Variants in KIRREL3 observed in about 807,000 individuals in gnomAD.
KIRREL3 encodes kin of IRRE-like protein 3.
Under a neutral mutation model 89.7 loss-of-function variants are expected in KIRREL3, and 36 were observed. The observed-to-expected ratio is 0.40, with a 90% CI of 0.31 to 0.53. The LOEUF (loss-of-function observed/expected upper bound fraction) is 0.53. KIRREL3 is among the 20% of genes least tolerant of loss of function. The pLI, the probability that KIRREL3 is intolerant of heterozygous loss-of-function variation, is 0.49. For missense variants in KIRREL3, 864 were observed against 1,056.6 expected, an observed-to-expected ratio of 0.82 and a Z score of 2.53; for synonymous variants, 445 against 441.4, an observed-to-expected ratio of 1.01 and a Z score of -0.10.
rs1172797742 is a variant in KIRREL3 at position 126,605,226 on chromosome 11, A to G, written c.56-42314T>C. 6.6e-6 allele frequency among the ~76,000 whole-genome samples: 1 copy of G among 152,112 alleles called. No individual in the cohort carries two copies. The highest frequency in any genetic ancestry group is 1.5e-5 in the Non-Finnish European group (1 of 68,032). On this transcript the variant is annotated intron_variant, in intron 1 of 16. Coordinates refer to ENST00000525144, the MANE Select transcript of KIRREL3 (RefSeq NM_032531.4). The surrounding 1 kb of genome is among the most constrained non-coding windows in gnomAD (Gnocchi z 5.7). ...AGGGACCGACTCCTGGGATCTTACCAAGTCACATTTGCAGTTGGTGCCTCC... is the reference window on the plus strand; with the variant it reads ...AGGGACCGACTCCTGGGATCTTACCGAGTCACATTTGCAGTTGGTGCCTCC...
rs1478643291 is a variant in KIRREL3 at position 126,575,305 on chromosome 11, C to A, written c.56-12393G>T. On this transcript the variant is annotated intron_variant, in intron 1 of 16. Transcript: ENST00000525144. The surrounding 1 kb of genome is among the most constrained non-coding windows in gnomAD (Gnocchi z 7.0). ...GAAGGTTGGACCATTGATCCCACAG[C>A]CCTGGGGCCTTCTCACAGTAGTGTG... 6.6e-6 allele frequency among the ~76,000 whole-genome samples: 1 copy of A among 152,164 alleles called. No individual in the cohort carries two copies. The highest frequency in any genetic ancestry group is 2.1e-4 in the South Asian group (1 of 4,828).
Position 126,473,311 on chromosome 11 carries a change from T to C in KIRREL3, c.589A>G (p.Lys197Glu). Residue 197 changes from lysine (K) to glutamate (E), a missense_variant and splice_region_variant, in exon 5 of 17, where the codon AAG becomes GAG. Lys to Glu is a moderately conservative substitution (Grantham distance 56). Coordinates refer to ENST00000525144, the MANE Select transcript of KIRREL3 (RefSeq NM_032531.4). ...GEVINGATYS[K>E]TLLRDGKRES... ...ACCCCCTCCCCTCCAGGCCTCACCT[T>C]GGAGTAGGTGGCCCCATTGATGACC... The C allele has an allele frequency of 9.3e-6, 11 of 1,184,688 alleles. No homozygotes were observed. The highest frequency in any genetic ancestry group is 1.2e-5 in the Non-Finnish European group (11 of 919,254). The allele number at this position is 1,184,688 out of a possible 1,614,324, so 73.4% of individuals were successfully genotyped here.
chr11:126,856,272 C>T (rs1159254215), intron 1 of KIRREL3, among the ~76,000 whole-genome samples: 1 of 152,024 alleles, frequency 6.6e-6, no homozygotes, highest in Non-Finnish European at 1.5e-5. Flanking sequence ...TCAAAGATAA[C>T]AATCTGTCTA....
In KIRREL3 at chr11:126,624,667, G is replaced by C. The variant is rs567339429; in HGVS notation, c.56-61755C>G. Among the ~76,000 whole-genome samples, 4 of 152,304 alleles carry C rather than the reference G, an allele frequency of 2.6e-5. No homozygotes were observed. In the South Asian group the frequency reaches 8.3e-4, roughly 32 times the overall value. On this transcript the variant is annotated intron_variant, in intron 1 of 16. Coordinates refer to ENST00000525144, the MANE Select transcript of KIRREL3 (RefSeq NM_032531.4). The surrounding 1 kb of genome is among the most constrained non-coding windows in gnomAD (Gnocchi z 6.0). Reference sequence around the variant, plus strand: ...TTAAGTATCCTATTGATTCACTGAAGTGCTGCCATGGATGTTAATGGAGAC... The same window carrying C: ...TTAAGTATCCTATTGATTCACTGAACTGCTGCCATGGATGTTAATGGAGAC...
rs1452260205 is a variant in KIRREL3, at chr11:126,723,499, G to A, written c.56-160587C>T. 1.3e-5 allele frequency among the ~76,000 whole-genome samples: 2 copies of A among 152,114 alleles called. No individual in the cohort carries two copies. The highest frequency in any genetic ancestry group is 4.8e-5 in the African/African-American group (2 of 41,410). ...GCTCTGTGGCATCATTAAGCAGCTG[G>A]TGCCAACATTTACCTCACACCTCCC... is the stretch of plus-strand genomic sequence containing the variant. On this transcript the variant is annotated intron_variant, in intron 1 of 16. Coordinates refer to ENST00000525144, the MANE Select transcript of KIRREL3 (RefSeq NM_032531.4). This position sits in a 1 kb window ranked among gnomAD's most constrained non-coding sequence, Gnocchi z 4.0.
In KIRREL3 at chr11:126,697,632, AC is replaced by A. The variant is rs1429527254; in HGVS notation, c.56-134721del. Among the ~76,000 whole-genome samples, 1 of 152,214 alleles carries A rather than the reference AC, an allele frequency of 6.6e-6. No individual in the cohort carries two copies. The highest frequency in any genetic ancestry group is 2.4e-5 in the African/African-American group (1 of 41,460). On this transcript the variant is annotated intron_variant, in intron 1 of 16. Coordinates refer to ENST00000525144, the MANE Select transcript of KIRREL3 (RefSeq NM_032531.4). The surrounding 1 kb of genome is among the most constrained non-coding windows in gnomAD (Gnocchi z 4.2). ...AAAAGAGGTCAGAAGATTTAGACCA[AC>A]CCTAATAACCTGAACTCATGTAAAA...
At chr11:126,450,453 CTGTGAGTGTGTGAATGTGTGCATG>C (rs1565461988) in intron 7 of KIRREL3, among the ~76,000 whole-genome samples, 1 of 111,362 alleles carries the variant, frequency 9.0e-6, no homozygotes, top group Non-Finnish European at 1.8e-5. Context: ...ATGTGCGCAT[CTGTGAGTGTGTGAATGTGTGCATG>C]TGTGTGGGTG....
At chr11:126,737,246 G>C (rs1024367760) in intron 1 of KIRREL3, among the ~76,000 whole-genome samples, 2 of 152,078 alleles carry the variant, frequency 1.3e-5, no homozygotes, top group African/African-American at 4.8e-5. Flanking sequence ...GAGCAGGGAT[G>C]GGGCCTGGGG....
In KIRREL3 at chr11:126,815,830, C is replaced by T. The variant is rs757731737; in HGVS notation, c.55+184625G>A. ...GATTACAGGCATGAGCTGCTGTGCCCGGCCGAGCTATTATTTTTATCATGA... is the reference window on the plus strand; with the variant it reads ...GATTACAGGCATGAGCTGCTGTGCCTGGCCGAGCTATTATTTTTATCATGA... On this transcript the variant is annotated intron_variant, in intron 1 of 16. Transcript: ENST00000525144. Among the ~76,000 whole-genome samples, 9 of 152,268 alleles carry T rather than the reference C, an allele frequency of 5.9e-5. No individual in the cohort carries two copies. The South Asian group carries it at 6.2e-4, about 11-fold the overall frequency.
At chr11:126,818,562 C>A (rs1951657657) in intron 1 of KIRREL3, among the ~76,000 whole-genome samples, 1 of 151,790 alleles carries the variant, frequency 6.6e-6, no homozygotes, top group Non-Finnish European at 1.5e-5. Flanking sequence ...AAAATATTAA[C>A]CATTCCTCTT....
chr11:126,852,209 A>G (rs1042422867), intron 1 of KIRREL3, among the ~76,000 whole-genome samples: 1 of 152,012 alleles, frequency 6.6e-6, no homozygotes, highest in Admixed American at 6.6e-5. Flanking sequence ...GCGTGCCACC[A>G]CGCCCAGCTA....
rs1037173770 is a variant in KIRREL3 at position 126,837,482 on chromosome 11, G to A, written c.55+162973C>T. On this transcript the variant is annotated intron_variant, in intron 1 of 16. Transcript: ENST00000525144. This position sits in a 1 kb window ranked among gnomAD's most constrained non-coding sequence, Gnocchi z 4.7. ...ATTGGTGGGTAGGAGTCTCTATCAT[G>A]GAATTACTTCCACAATAATTACGAG... Among the ~76,000 whole-genome samples the A allele has an allele frequency of 6.6e-6, 1 of 152,174 alleles. No homozygotes were observed. The highest frequency in any genetic ancestry group is 6.5e-5 in the Admixed American group (1 of 15,282).
At chr11:126,871,715 T>C (rs1371614556) in intron 1 of KIRREL3, among the ~76,000 whole-genome samples, 2 of 152,140 alleles carry the variant, frequency 1.3e-5, no homozygotes, top group Non-Finnish European at 2.9e-5. Flanking sequence ...TTCATGATAA[T>C]GGGCAGAAAG....
intron 1 of KIRREL3, among the ~76,000 whole-genome samples, chr11:126,630,895 C>T (rs571595411): frequency 4.9e-4 from 75 of 152,326 alleles, no homozygotes; most frequent in African/African-American, 1.8e-3. Context: ...CACTCTTTCA[C>T]AGACGTCTCC....
At chr11:126,866,597 C>T (rs989649467) in intron 1 of KIRREL3, among the ~76,000 whole-genome samples, 10 of 149,856 alleles carry the variant, frequency 6.7e-5, no homozygotes, top group Non-Finnish European at 1.2e-4. Flanking sequence ...CCTGTTTTCA[C>T]GCCCAAAGGT....
intron 1 of KIRREL3, among the ~76,000 whole-genome samples, chr11:126,749,580 G>C (rs2134240934): frequency 6.6e-6 from 1 of 152,130 alleles, no homozygotes; most frequent in East Asian, 1.9e-4. Context: ...CATTTTTCAA[G>C]TGACTTCTTT....
chr11:126,686,215 C>T lies in KIRREL3; in HGVS notation c.56-123303G>A, dbSNP rs1366965301. Reference sequence around the variant, plus strand: ...CCACCCACCTGCAGGGGCTTTCTCACGTGTGGCGCGGGTGTGGAGGCAGGT... The same window carrying T: ...CCACCCACCTGCAGGGGCTTTCTCATGTGTGGCGCGGGTGTGGAGGCAGGT... On this transcript the variant is annotated intron_variant, in intron 1 of 16. Coordinates refer to ENST00000525144, the MANE Select transcript of KIRREL3 (RefSeq NM_032531.4). The surrounding 1 kb of genome is among the most constrained non-coding windows in gnomAD (Gnocchi z 4.7). Among the ~76,000 whole-genome samples the T allele has an allele frequency of 3.9e-5, 6 of 152,330 alleles. No homozygotes were observed. The highest frequency in any genetic ancestry group is 4.1e-4 in the South Asian group (2 of 4,828).
In KIRREL3 at chr11:126,977,820, G is replaced by C. The variant is rs1035955818; in HGVS notation, c.55+22635C>G. 2.6e-5 allele frequency among the ~76,000 whole-genome samples: 4 copies of C among 152,218 alleles called. No homozygotes were observed. Among genetic ancestry groups the C allele is most frequent in the African/African-American group, 4.8e-5 (2 of 41,460 alleles). ...ACCAGCCTTCCAACCAGTGTCTGGA[G>C]AGCTGAAGTTGTCAACCCTGGCTGG... On this transcript the variant is annotated intron_variant, in intron 1 of 16. Coordinates refer to ENST00000525144, the MANE Select transcript of KIRREL3 (RefSeq NM_032531.4). The surrounding 1 kb of genome is among the most constrained non-coding windows in gnomAD (Gnocchi z 4.7).
rs929756787 is a variant in KIRREL3 at position 126,628,457 on chromosome 11, G to C, written c.56-65545C>G. Among the ~76,000 whole-genome samples, 4 of 152,188 alleles carry C rather than the reference G, an allele frequency of 2.6e-5. No homozygotes were observed. Among genetic ancestry groups the C allele is most frequent in the African/African-American group, 9.7e-5 (4 of 41,446 alleles). The stretch of plus-strand genomic sequence containing the variant: ...ATGCCTAAACTTTGTACCCATGAGA[G>C]CACATAGTAGGTGGTTAATGAATGT... On this transcript the variant is annotated intron_variant, in intron 1 of 16. Coordinates refer to ENST00000525144, the MANE Select transcript of KIRREL3 (RefSeq NM_032531.4). The surrounding 1 kb of genome is among the most constrained non-coding windows in gnomAD (Gnocchi z 5.2).
Sources: gnomAD v4.1 joint callset for allele counts (sites outside exome capture counted in the v4.1 genomes callset) on GRCh38, gnomAD v4.1.1 for gene constraint, Gnocchi (gnomAD v3.1) non-coding constraint, MANE v1.5 for transcripts, NCBI Gene and HGNC (gene_info 2026-07-23, HGNC 2026-07-21) for gene names.